The following BRINP3 variants were observed in gnomAD, a reference collection of about 807,000 sequenced individuals.
BRINP3 encodes the protein BMP/retinoic acid inducible neural specific 3.
A neutral mutation model predicts 71.0 loss-of-function variants in BRINP3; 19 were observed. That is an observed-to-expected ratio of 0.27 (90% confidence interval 0.19 to 0.39). BRINP3 has a LOEUF of 0.39. Among genes scored for constraint, BRINP3 ranks in the 10% least tolerant of loss-of-function variants. The pLI, the probability that BRINP3 is intolerant of heterozygous loss-of-function variation, is 1.00. For synonymous variants in BRINP3, 380 were observed against 337.7 expected (o/e 1.13, Z -1.37); for missense variants, 959 against 940.8 (o/e 1.02, Z -0.25).
At chr1:190,454,575 A>C (rs1675860655) in intron 2 of BRINP3, 80 bp downstream of exon 2, 2 of 1,178,202 alleles carry the variant, frequency 1.7e-6, no homozygotes, top group South Asian at 2.9e-5. Flanking sequence ...TTCCCGTCTG[A>C]AACTTTCCCT....
intron 2 of BRINP3, among the ~76,000 whole-genome samples, chr1:190,306,578 T>C (rs569743214): frequency 6.6e-6 from 1 of 151,978 alleles, no homozygotes; most frequent in Non-Finnish European, 1.5e-5. Flanking sequence ...TAACTTTAGA[T>C]AAAATGGCCA....
At chr1:190,121,967 T>C (rs962383651) in intron 7 of BRINP3, among the ~76,000 whole-genome samples, 1 of 152,172 alleles carries the variant, frequency 6.6e-6, no homozygotes, top group African/African-American at 2.4e-5. Context: ...TGTAATGTAA[T>C]ATGAATAAGT....
intron 6 of BRINP3, among the ~76,000 whole-genome samples, chr1:190,175,075 GGC>G (rs1189683180): frequency 6.6e-6 from 1 of 151,986 alleles, no homozygotes; most frequent in African/African-American, 2.4e-5. Flanking sequence ...GCAGACTCCT[GGC>G]ATTGTGTATA....
chr1:190,270,674 C>T lies in BRINP3; in HGVS notation c.428-5619G>A, dbSNP rs557143874. Reference sequence around the variant, plus strand: ...CATTGAAGACAAAATCATAATGGGACGAGTATTCATAACTCCTGTTCTACA... The same window carrying T: ...CATTGAAGACAAAATCATAATGGGATGAGTATTCATAACTCCTGTTCTACA... On this transcript the variant is annotated intron_variant, in intron 3 of 7. Transcript: ENST00000367462. Among the ~76,000 whole-genome samples, 200 of 151,544 alleles carry T rather than the reference C, an allele frequency of 1.3e-3. 4 individuals carry two copies. The South Asian group carries it at 0.018, about 14-fold the overall frequency.
rs757210693 is a variant in BRINP3, at chr1:190,099,038, C to T, written c.1281G>A (p.Thr427=). ...TGCAGACCACCTGGTCATTCGGACA[C>T]GTGCACGAGTGCGTCTCTTCTGAAA... ...GSFSEETHSC[T]CPNDQVVCTA... is the part of the protein sequence containing the mutation. The change falls in exon 8 of 8, where the codon ACG becomes ACA. Residue 427 remains threonine (T), a synonymous_variant. Coordinates refer to ENST00000367462, the MANE Select transcript of BRINP3 (RefSeq NM_199051.3). The T allele has an allele frequency of 1.4e-5, 23 of 1,614,010 alleles. No individual in the cohort carries two copies. Among genetic ancestry groups the T allele is most frequent in the East Asian group, 2.2e-5 (1 of 44,888 alleles).
Position 190,415,977 on chromosome 1 carries a change from T to C in BRINP3, c.236+38678A>G, listed in dbSNP as rs1672981344. On this transcript the variant is annotated intron_variant, in intron 2 of 7. Transcript: ENST00000367462. ...TGTTCCATGATATACACATTGTCTA[T>C]GTTTATTTTACAGGTTTTCTTCTAC... Among the ~76,000 whole-genome samples, 3 of 152,196 alleles carry C rather than the reference T, an allele frequency of 2.0e-5. No homozygotes were observed. In the South Asian group the frequency reaches 6.2e-4, roughly 31 times the overall value.
At chr1:190,164,207 C>G (rs978428885) in intron 6 of BRINP3, among the ~76,000 whole-genome samples, 4 of 152,162 alleles carry the variant, frequency 2.6e-5, no homozygotes, top group Admixed American at 6.5e-5. Context: ...ATGTTCAGAA[C>G]CTCTATTCAG....
chr1:190,130,410 A>G (rs1654443118), intron 7 of BRINP3, among the ~76,000 whole-genome samples: 1 of 152,012 alleles, frequency 6.6e-6, no homozygotes, highest in Non-Finnish European at 1.5e-5. Flanking sequence ...TCATATCTTT[A>G]AAACTTTTTC....
chr1:190,114,257 C>T (rs552451325), intron 7 of BRINP3, among the ~76,000 whole-genome samples: 23 of 152,236 alleles, frequency 1.5e-4, no homozygotes, highest in African/African-American at 5.1e-4. Flanking sequence ...TTCCTGAGGC[C>T]TCCCTAGAAG....
intron 6 of BRINP3, chr1:190,217,046 T>C (rs1253275967): frequency 6.6e-6 from 1 of 151,946 alleles, no homozygotes; most frequent in East Asian, 1.9e-4. Context: ...ATTGTCTATG[T>C]AGAGTATAAC....
At chr1:190,225,663 G>GAA (rs1237663618) in intron 6 of BRINP3, among the ~76,000 whole-genome samples, 2 of 152,090 alleles carry the variant, frequency 1.3e-5, no homozygotes, top group Admixed American at 6.6e-5. Flanking sequence ...CTTCATTGTA[G>GAA]AAATAAGTGA....
intron 7 of BRINP3, among the ~76,000 whole-genome samples, 163 bp from the exon 8 acceptor site, chr1:190,099,297 T>C (rs923754840): frequency 2.7e-5 from 4 of 149,436 alleles, no homozygotes; most frequent in African/African-American, 9.8e-5. Context: ...GACTATATAA[T>C]ACACACACAC....
chr1:190,243,174 T>C (rs1407636739), intron 4 of BRINP3, among the ~76,000 whole-genome samples: 1 of 152,086 alleles, frequency 6.6e-6, no homozygotes, highest in Non-Finnish European at 1.5e-5. Context: ...TAGTGTGATA[T>C]GGAATAAGCA....
At chr1:190,114,609 T>C (rs1652977290) in intron 7 of BRINP3, among the ~76,000 whole-genome samples, 1 of 151,806 alleles carries the variant, frequency 6.6e-6, no homozygotes, top group South Asian at 2.1e-4. Context: ...ACATTGTAAT[T>C]ATATTACACC....
At chr1:190,208,598 G>A (rs916190131) in intron 6 of BRINP3, among the ~76,000 whole-genome samples, 2 of 151,962 alleles carry the variant, frequency 1.3e-5, no homozygotes, top group East Asian at 1.9e-4. Flanking sequence ...CGGTTCAAGC[G>A]TTTCTTGATC....
At chr1:190,258,853 C>T (rs1660910666) in intron 4 of BRINP3, among the ~76,000 whole-genome samples, 1 of 152,094 alleles carries the variant, frequency 6.6e-6, no homozygotes, top group Admixed American at 6.6e-5. Context: ...TAAAGCTGAA[C>T]AAGGGCTAGG....
intron 2 of BRINP3, among the ~76,000 whole-genome samples, chr1:190,405,450 C>CAAAAAAAAAAAAAAAAAAAAAA (rs1334402738): frequency 2.6e-5 from 1 of 39,134 alleles, no homozygotes; most frequent in African/African-American, 1.4e-4. Context: ...GACTCCGTCT[C>CAAAAAAAAAAAAAAAAAAAAAA]AAAAAAAAAA....
intron 7 of BRINP3, among the ~76,000 whole-genome samples, chr1:190,146,964 C>T (rs1022372816): frequency 3.3e-5 from 5 of 151,900 alleles, no homozygotes; most frequent in Admixed American, 1.3e-4. Flanking sequence ...CAAAATTTCC[C>T]TTAAATTGCC....
intron 2 of BRINP3, among the ~76,000 whole-genome samples, chr1:190,287,980 T>C (rs1481535929): frequency 6.6e-6 from 1 of 152,104 alleles, no homozygotes; most frequent in Non-Finnish European, 1.5e-5. Context: ...TATATGATAA[T>C]ACAGAAATTG....
Sources: allele counts gnomAD v4.1 joint callset (sites outside exome capture counted in the v4.1 genomes callset), GRCh38; gene constraint gnomAD v4.1.1; transcripts MANE v1.5; gene names NCBI Gene and HGNC (gene_info 2026-07-23, HGNC 2026-07-21).